Variants in ZNF135 observed in about 807,000 individuals in gnomAD.
ZNF135 encodes the protein zinc finger protein 135 (clone pHZ-17).
Under a neutral mutation model 12.3 loss-of-function variants are expected in ZNF135, and 11 were observed. The ratio of observed to expected loss-of-function variants is 0.89; its 90% confidence interval spans 0.56 to 1.48. The LOEUF (loss-of-function observed/expected upper bound fraction) is 1.48, where lower values mean the gene tolerates loss of function less well. Among genes scored for constraint, ZNF135 ranks in the 40% most tolerant of loss-of-function variants. The pLI is 0.00. For missense variants in ZNF135, 722 were observed against 815.7 expected, an observed-to-expected ratio of 0.89 and a Z score of 1.40; for synonymous variants, 316 against 312.0, an observed-to-expected ratio of 1.01 and a Z score of -0.14.
In ZNF135 at chr19:58,067,865, A is replaced by G. The variant is rs2074102705; in HGVS notation, c.1381A>G (p.Thr461Ala). 6.2e-7 allele frequency: 1 copy of G among 1,613,152 alleles called. No individual in the cohort carries two copies. Among genetic ancestry groups the G allele is most frequent in the Non-Finnish European group, 8.5e-7 (1 of 1,179,868 alleles). ...ACTCAGCCAGCATGAGCGGACACAC[A>G]CAGGAGAGAAGCCCTATGAGTGCAG... ...SSLSQHERTH[T>A]GEKPYECSQC... is the part of the protein sequence containing the mutation. The change falls in exon 5 of 5, where the codon ACA becomes GCA. Residue 461 changes from threonine to alanine, a missense_variant. Physicochemically the swap from Thr to Ala is moderately conservative, Grantham distance 58. Transcript: ENST00000313434.
intron 4 of ZNF135, among the ~76,000 whole-genome samples, chr19:58,064,543 T>G (rs1599926611): frequency 6.6e-6 from 1 of 152,256 alleles, no homozygotes; most frequent in East Asian, 1.9e-4. Flanking sequence ...AGCTTTTTCT[T>G]TAGCTTACTT....
intron 3 of ZNF135, among the ~76,000 whole-genome samples, chr19:58,062,353 CTTAT>C (rs111934366): frequency 0.27 from 41,439 of 151,296 alleles, 5,647 homozygotes; most frequent in Middle Eastern, 0.3. Context: ...ACATTTGAAC[CTTAT>C]TTATTTATTT....
At position 58,065,757 on chromosome 19, in the gene ZNF135, G is replaced by T. The variant is rs1428838449; in HGVS notation, c.257-984G>T. On this transcript the variant is annotated intron_variant, in intron 4 of 4. Transcript: ENST00000313434. The surrounding 1 kb of genome is among the most constrained non-coding windows in gnomAD (Gnocchi z 4.0). ...CTCCCATGTAATTGGAAACATACAGGTTATAGGGTTAGGATGTGGGCATCT... is the reference window on the plus strand; with the variant it reads ...CTCCCATGTAATTGGAAACATACAGTTTATAGGGTTAGGATGTGGGCATCT... Among the ~76,000 whole-genome samples, 2 of 151,416 alleles carry T rather than the reference G, an allele frequency of 1.3e-5. No homozygotes were observed. Among genetic ancestry groups the T allele is most frequent in the African/African-American group, 4.9e-5 (2 of 41,170 alleles).
Position 58,061,580 on chromosome 19 carries a change from G to A in ZNF135, c.34G>A (p.Glu12Lys). Residue 12 changes from glutamate to lysine, a missense_variant and splice_region_variant, in exon 3 of 5, where the codon GAG becomes AAG. Glu to Lys is a moderately conservative substitution (Grantham distance 56). Transcript: ENST00000313434. ...TPGVRVSTDP[E>K]QVTFEDVVVG... ...TGAGGACACTCGTGTGATGTTTCAG[G>A]AGCAAGTGACGTTTGAGGACGTGGT... 1 of 1,612,350 alleles carries A rather than the reference G, an allele frequency of 6.2e-7. No individual in the cohort carries two copies. Among genetic ancestry groups the A allele is most frequent in the Non-Finnish European group, 8.5e-7 (1 of 1,179,304 alleles).
In ZNF135 at chr19:58,060,526, G is replaced by A; in HGVS notation, c.33+491G>A. ...CTGCAGTCTGAAGTTGAAGGCCTTA[G>A]CATGCTCTGCGCTCCAAGATGGCGC... On this transcript the variant is annotated intron_variant, in intron 2 of 4. Coordinates refer to ENST00000313434, the MANE Select transcript of ZNF135 (RefSeq NM_001289401.2). This position sits in a 1 kb window ranked among gnomAD's most constrained non-coding sequence, Gnocchi z 4.9. The A allele has an allele frequency of 1.2e-6, 1 of 847,888 alleles. No individual in the cohort carries two copies. The highest frequency in any genetic ancestry group is 1.8e-5 in the African/African-American group (1 of 54,528). The allele number at this position is 847,888 out of a possible 1,614,324, so 52.5% of individuals were successfully genotyped here. A position where few individuals can be genotyped will look rare whatever the true frequency, so the allele number is the denominator to read the frequency against.
rs375491279 is a variant in ZNF135, at chr19:58,063,459, G to A, written c.174G>A (p.Pro58=). The change falls in exon 4 of 5, where the codon CCG becomes CCA. Residue 58 remains proline, a synonymous_variant. Coordinates refer to ENST00000313434, the MANE Select transcript of ZNF135 (RefSeq NM_001289401.2). The surrounding 1 kb of genome is among the most constrained non-coding windows in gnomAD (Gnocchi z 4.4). ...RLLVSVGHWL[P]KPNVISLLEQ... ...CTCCCTGAGCAGGACATTGGTTACC[G>A]AAGCCGAATGTCATCTCCCTGCTGG... 2.0e-5 allele frequency: 32 copies of A among 1,613,920 alleles called. No homozygotes were observed. Among genetic ancestry groups the A allele is most frequent in the Non-Finnish European group, 2.5e-5 (29 of 1,179,962 alleles).
At position 58,063,807 on chromosome 19, in the gene ZNF135, G is replaced by A. The variant is rs1367864302; in HGVS notation, c.256+266G>A. ...AAGTTGGATGATTACAGATTGTGATGAATGCCGAGAAAATGAAAATGAGCA... is the reference window on the plus strand; with the variant it reads ...AAGTTGGATGATTACAGATTGTGATAAATGCCGAGAAAATGAAAATGAGCA... On this transcript the variant is annotated intron_variant, in intron 4 of 4. Transcript: ENST00000313434. This position sits in a 1 kb window ranked among gnomAD's most constrained non-coding sequence, Gnocchi z 4.4. 1 of 700,478 alleles carries A rather than the reference G, an allele frequency of 1.4e-6. No individual in the cohort carries two copies. Among genetic ancestry groups the A allele is most frequent in the Non-Finnish European group, 1.8e-6 (1 of 570,048 alleles). The allele number at this position is 700,478 out of a possible 1,614,324, so 43.4% of individuals were successfully genotyped here.
Position 58,060,304 on chromosome 19 carries a change from T to G in ZNF135, c.33+269T>G. ...TTTGCACATCTAGCCTCTACTCGTG[T>G]CCGGCCTCTACCTGCACACCCGGCC... On this transcript the variant is annotated intron_variant, in intron 2 of 4. Coordinates refer to ENST00000313434, the MANE Select transcript of ZNF135 (RefSeq NM_001289401.2). The surrounding 1 kb of genome is among the most constrained non-coding windows in gnomAD (Gnocchi z 4.9). 7.3e-7 allele frequency: 1 copy of G among 1,361,388 alleles called. No individual in the cohort carries two copies. The highest frequency in any genetic ancestry group is 9.5e-7 in the Non-Finnish European group (1 of 1,051,774). 84.3% of individuals were successfully genotyped at this position (1,361,388 alleles called of 1,614,324 possible). A position where few individuals can be genotyped will look rare whatever the true frequency, so the allele number is the denominator to read the frequency against.
At chr19:58,062,191 T>C (rs11666227) in intron 3 of ZNF135, among the ~76,000 whole-genome samples, 57,229 of 152,028 alleles carry the variant, frequency 0.38, 10,939 homozygotes, top group Admixed American at 0.42. Flanking sequence ...GATGGCACTT[T>C]CTTCCTGTGT....
chr19:58,059,352 G>T lies in ZNF135; in HGVS notation c.-35+42G>T. The T allele has an allele frequency of 8.8e-7, 1 of 1,141,458 alleles. No individual in the cohort carries two copies. The allele number at this position is 1,141,458 out of a possible 1,614,324, so 70.7% of individuals were successfully genotyped here. On this transcript the variant is annotated intron_variant, in intron 1 of 4. Transcript: ENST00000313434. This position sits in a 1 kb window ranked among gnomAD's most constrained non-coding sequence, Gnocchi z 6.5. The stretch of plus-strand genomic sequence containing the variant: ...AGGAGGGGGAGGGGAGGCCAGGCCG[G>T]GCCGGGCCGGGCCGGGTGCGGGGGG...
chr19:58,059,428 T>C lies in ZNF135; in HGVS notation c.-35+118T>C, dbSNP rs1290471711. 7 of 1,117,820 alleles carry C rather than the reference T, an allele frequency of 6.3e-6. No individual in the cohort carries two copies. The highest frequency in any genetic ancestry group is 1.7e-5 in the African/African-American group (1 of 59,792). 69.2% of individuals were successfully genotyped at this position (1,117,820 alleles called of 1,614,324 possible). On this transcript the variant is annotated intron_variant, in intron 1 of 4. Transcript: ENST00000313434. This position sits in a 1 kb window ranked among gnomAD's most constrained non-coding sequence, Gnocchi z 6.5. ...CGGGGCGAGTTTCCAGCAGCGCGCG[T>C]CTGTGTGGAGTCCGTTTTGCTGCCC... is the stretch of plus-strand genomic sequence containing the variant.
chr19:58,061,384 G>A (rs369996520), intron 2 of ZNF135, among the ~76,000 whole-genome samples, 196 bp from the exon 3 acceptor site: 3 of 152,264 alleles, frequency 2.0e-5, no homozygotes, highest in South Asian at 2.1e-4. Context: ...TATTGGAAAC[G>A]GGCATGATGC....
At position 58,060,184 on chromosome 19, in the gene ZNF135, C is replaced by A; in HGVS notation, c.33+149C>A. The stretch of plus-strand genomic sequence containing the variant: ...GCCCGGCCCCTACTTGCGTGCCCGG[C>A]CCCTACTCGTGCCCGGCCTCTACTC... On this transcript the variant is annotated intron_variant, in intron 2 of 4. Coordinates refer to ENST00000313434, the MANE Select transcript of ZNF135 (RefSeq NM_001289401.2). This position sits in a 1 kb window ranked among gnomAD's most constrained non-coding sequence, Gnocchi z 4.9. The A allele has an allele frequency of 1.3e-6, 2 of 1,514,314 alleles. No individual in the cohort carries two copies. Among genetic ancestry groups the A allele is most frequent in the South Asian group, 2.5e-5 (2 of 79,724 alleles). The allele number at this position is 1,514,314 out of a possible 1,614,324, so 93.8% of individuals were successfully genotyped here. A position where few individuals can be genotyped will look rare whatever the true frequency, so the allele number is the denominator to read the frequency against.
intron 4 of ZNF135, among the ~76,000 whole-genome samples, chr19:58,064,852 T>C (rs1447562944): frequency 6.6e-6 from 1 of 152,194 alleles, no homozygotes; most frequent in African/African-American, 2.4e-5. Flanking sequence ...ATCACGCCAC[T>C]GTGCTCCTGC....
chr19:58,067,465 G>A lies in ZNF135; in HGVS notation c.981G>A (p.Glu327=). ...ERTHTGEKPY[E]CSECGKAFRQ... ...CTCACACAGGCGAGAAGCCCTACGA[G>A]TGCAGTGAGTGTGGGAAAGCCTTCC... Residue 327 remains glutamate, a synonymous_variant, in exon 5 of 5, where the codon GAG becomes GAA. Transcript: ENST00000313434. 6.2e-7 allele frequency: 1 copy of A among 1,614,076 alleles called. No homozygotes were observed.
At position 58,068,371 on chromosome 19, in the gene ZNF135, A is replaced by T; in HGVS notation, c.1887A>T (p.Thr629=). The change falls in exon 5 of 5, where the codon ACA becomes ACT. Residue 629 remains threonine, a synonymous_variant. Transcript: ENST00000313434. ...THLTQHRRIH[T]GEKPYACRDC... The stretch of plus-strand genomic sequence containing the variant: ...TCACTCAGCACCGGAGGATCCACAC[A>T]GGAGAGAAGCCATATGCATGCAGGG... 1 of 1,614,220 alleles carries T rather than the reference A, an allele frequency of 6.2e-7. No individual in the cohort carries two copies. The highest frequency in any genetic ancestry group is 8.5e-7 in the Non-Finnish European group (1 of 1,180,030).
chr19:58,063,582 T>C lies in ZNF135; in HGVS notation c.256+41T>C, dbSNP rs377476939. ...TTCGGGGCAGAGAGAAGCCTGTCCA[T>C]GCTTGCTTCCTGGTTTCTCCCTCTG... On this transcript the variant is annotated intron_variant, in intron 4 of 4. Coordinates refer to ENST00000313434, the MANE Select transcript of ZNF135 (RefSeq NM_001289401.2). The surrounding 1 kb of genome is among the most constrained non-coding windows in gnomAD (Gnocchi z 4.4). 78 of 1,612,058 alleles carry C rather than the reference T, an allele frequency of 4.8e-5. No individual in the cohort carries two copies. In the African/African-American group the frequency reaches 9.7e-4, roughly 20 times the overall value.
Position 58,067,399 on chromosome 19 carries a change from A to G in ZNF135, c.915A>G (p.Lys305=), listed in dbSNP as rs750987604. ...EKPYECSECG[K]SFSFRSSFSQ... Reference sequence around the variant, plus strand: ...CCTATGAATGCAGCGAATGTGGGAAATCCTTCAGTTTTAGGTCCTCCTTCA... The same window carrying G: ...CCTATGAATGCAGCGAATGTGGGAAGTCCTTCAGTTTTAGGTCCTCCTTCA... Residue 305 remains lysine, a synonymous_variant, in exon 5 of 5, where the codon AAA becomes AAG. Transcript: ENST00000313434. 87 of 1,613,986 alleles carry G rather than the reference A, an allele frequency of 5.4e-5. No homozygotes were observed. The South Asian group carries it at 9.2e-4, about 17-fold the overall frequency.
rs759975077 is a variant in ZNF135 at position 58,067,713 on chromosome 19, A to G, written c.1229A>G (p.Tyr410Cys). 1.4e-5 allele frequency: 23 copies of G among 1,614,048 alleles called. No individual in the cohort carries two copies. The highest frequency in any genetic ancestry group is 6.7e-5 in the Admixed American group (4 of 60,002). The change falls in exon 5 of 5, where the codon TAT (tyrosine) becomes TGT (cysteine). Residue 410 changes from tyrosine to cysteine, a missense_variant. Physicochemically the swap from Tyr to Cys is radical, Grantham distance 194. Transcript: ENST00000313434. ...HQRTHTGEKP[Y>C]ECGECGKAFS... ...AGGACCCACACAGGAGAAAAGCCCT[A>G]TGAGTGTGGTGAGTGTGGGAAAGCC...
Sources: allele counts gnomAD v4.1 joint callset (sites outside exome capture counted in the v4.1 genomes callset), GRCh38; gene constraint gnomAD v4.1.1; non-coding constraint Gnocchi (gnomAD v3.1); transcripts MANE v1.5; gene names NCBI Gene and HGNC (gene_info 2026-07-23, HGNC 2026-07-21).